Variants in FGGY observed in about 807,000 individuals in gnomAD.
FGGY encodes the protein FGGY carbohydrate kinase domain-containing protein.
FGGY carries 72 observed loss-of-function variants against 71.3 expected under a neutral mutation model. That is an observed-to-expected ratio of 1.01 (90% CI 0.84 to 1.23). The LOEUF is 1.23. FGGY is among the 50% of genes most tolerant of loss of function. The pLI, the probability that FGGY is intolerant of heterozygous loss-of-function variation, is 0.00. For missense variants in FGGY, 668 were observed against 682.3 expected, an observed-to-expected ratio of 0.98 and a Z score of 0.23; for synonymous variants, 251 against 250.3, an observed-to-expected ratio of 1.00 and a Z score of -0.02.
intron 14 of FGGY, among the ~76,000 whole-genome samples, chr1:59,725,084 G>C (rs566210178): frequency 6.6e-6 from 1 of 152,136 alleles, no homozygotes; most frequent in Non-Finnish European, 1.5e-5. Context: ...ATGTTTTATA[G>C]TTTTGTGTTT....
intron 7 of FGGY, among the ~76,000 whole-genome samples, chr1:59,539,720 A>G (rs908636531): frequency 1.3e-5 from 2 of 152,220 alleles, no homozygotes; most frequent in African/African-American, 4.8e-5. Flanking sequence ...TAATGTAAGT[A>G]CAACCATAAA....
At chr1:59,587,514 G>A (rs949613939) in intron 8 of FGGY, among the ~76,000 whole-genome samples, 1 of 152,166 alleles carries the variant, frequency 6.6e-6, no homozygotes, top group Non-Finnish European at 1.5e-5. Flanking sequence ...CCTGACCCCT[G>A]ACCCCCAAGC....
intron 11 of FGGY, among the ~76,000 whole-genome samples, chr1:59,641,790 ACAT>A (rs1247316563): frequency 6.6e-6 from 1 of 152,204 alleles, no homozygotes; most frequent in Non-Finnish European, 1.5e-5. Context: ...TTGTTTGATA[ACAT>A]CATATATGAC....
chr1:59,734,435 C>T (rs1250761964), intron 14 of FGGY, among the ~76,000 whole-genome samples: 4 of 152,182 alleles, frequency 2.6e-5, no homozygotes, highest in Admixed American at 2.0e-4. Flanking sequence ...GAACTCCTGG[C>T]TCAAGCAATC....
chr1:59,522,966 C>G (rs1293530522), intron 7 of FGGY, among the ~76,000 whole-genome samples: 1 of 152,220 alleles, frequency 6.6e-6, no homozygotes, highest in African/African-American at 2.4e-5. Context: ...AGAACTGTAT[C>G]TGGTATTCTG....
intron 2 of FGGY, among the ~76,000 whole-genome samples, chr1:59,322,774 C>G (rs746078699): frequency 1.3e-5 from 2 of 152,158 alleles, no homozygotes; most frequent in African/African-American, 2.4e-5. Context: ...TAAAGTTTCA[C>G]TTGACTGTTT....
intron 5 of FGGY, among the ~76,000 whole-genome samples, chr1:59,427,281 C>G (rs779927515): frequency 6.6e-6 from 1 of 152,134 alleles, no homozygotes; most frequent in Non-Finnish European, 1.5e-5. Context: ...TGCTGCCTCC[C>G]TCCCCACAAA....
intron 9 of FGGY, among the ~76,000 whole-genome samples, chr1:59,614,267 G>A (rs752240200): frequency 2.0e-4 from 30 of 152,260 alleles, no homozygotes; most frequent in African/African-American, 3.8e-4. Context: ...TTGGCAAACT[G>A]AATCCAGCAG....
chr1:59,590,265 A>G (rs1313134344), intron 8 of FGGY, among the ~76,000 whole-genome samples: 1 of 152,226 alleles, frequency 6.6e-6, no homozygotes, highest in Non-Finnish European at 1.5e-5. Context: ...GAATAGAACA[A>G]TAACAGGATC....
intron 5 of FGGY, among the ~76,000 whole-genome samples, chr1:59,379,253 A>G (rs1303977444): frequency 6.6e-6 from 1 of 151,570 alleles, no homozygotes; most frequent in Admixed American, 6.6e-5. Flanking sequence ...AGGCAATTTC[A>G]TTATTGTTGC....
chr1:59,360,123 CATTGTT>C (rs2055166005), intron 4 of FGGY, among the ~76,000 whole-genome samples: 1 of 101,834 alleles, frequency 9.8e-6, no homozygotes, highest in Admixed American at 9.8e-5. Context: ...ATTTTTCTAT[CATTGTT>C]ATTATTATTA....
intron 4 of FGGY, among the ~76,000 whole-genome samples, chr1:59,361,591 A>T (rs1346792603): frequency 6.6e-6 from 1 of 152,210 alleles, no homozygotes; most frequent in Non-Finnish European, 1.5e-5. Context: ...AGTTCCTTTA[A>T]GTCCCTTTTA....
rs2050355193 is a variant in FGGY, at chr1:59,340,076, C to A, written c.313+7C>A. On this transcript the variant is annotated splice_region_variant and intron_variant, in intron 3 of 15. Coordinates refer to ENST00000303721, the MANE Select transcript of FGGY (RefSeq NM_018291.5). ...TTACCAGTCAACCAGGAAGGTAAGA[C>A]CATGTCTCTTCCTTTTCCCAGTGGT... The A allele has an allele frequency of 6.3e-7, 1 of 1,588,862 alleles. No individual in the cohort carries two copies. The highest frequency in any genetic ancestry group is 1.3e-5 in the African/African-American group (1 of 74,594).
intron 11 of FGGY, among the ~76,000 whole-genome samples, chr1:59,645,595 A>G (rs2097086194): frequency 6.6e-6 from 1 of 152,222 alleles, no homozygotes; most frequent in South Asian, 2.1e-4. Context: ...TACCTTATGG[A>G]ATAGCTAGCA....
chr1:59,749,244 A>G (rs2098225378), intron 14 of FGGY, among the ~76,000 whole-genome samples: 1 of 152,174 alleles, frequency 6.6e-6, no homozygotes, highest in Non-Finnish European at 1.5e-5. Flanking sequence ...CTTGAACTCC[A>G]TAAGCCGATT....
chr1:59,430,369 A>G (rs1455971326), intron 5 of FGGY, among the ~76,000 whole-genome samples: 1 of 152,080 alleles, frequency 6.6e-6, no homozygotes, highest in East Asian at 1.9e-4. Context: ...TGAATATTGG[A>G]GTTGGATTCA....
At chr1:59,610,394 C>G (rs2096663152) in intron 9 of FGGY, among the ~76,000 whole-genome samples, 1 of 152,166 alleles carries the variant, frequency 6.6e-6, no homozygotes, top group South Asian at 2.1e-4. Flanking sequence ...TCATCCATGT[C>G]CCTGCAAAGA....
intron 5 of FGGY, among the ~76,000 whole-genome samples, chr1:59,416,251 A>C (rs1011255203): frequency 6.6e-6 from 1 of 152,204 alleles, no homozygotes; most frequent in Non-Finnish European, 1.5e-5. Context: ...AAGATCTTAG[A>C]TATTACAATC....
chr1:59,686,453 G>T (rs572077472), intron 14 of FGGY, among the ~76,000 whole-genome samples: 1 of 152,268 alleles, frequency 6.6e-6, no homozygotes, highest in South Asian at 2.1e-4. Flanking sequence ...AAAATACCCT[G>T]TTGCCTTTAA....
Sources: gnomAD v4.1 joint callset for allele counts (sites outside exome capture counted in the v4.1 genomes callset) on GRCh38, gnomAD v4.1.1 for gene constraint, MANE v1.5 for transcripts, NCBI Gene and HGNC (gene_info 2026-07-23, HGNC 2026-07-21) for gene names.